TP53BP1: variants seen among roughly 807,000 people sequenced by gnomAD.
TP53BP1 encodes TP53-binding protein 1.
In TP53BP1, 61 loss-of-function variants were observed where a neutral mutation model predicts 200.8. The ratio of observed to expected loss-of-function variants is 0.30; its 90% CI spans 0.25 to 0.38. The LOEUF (loss-of-function observed/expected upper bound fraction) is 0.38, where lower values mean the gene tolerates loss of function less well. TP53BP1 is among the 10% of genes least tolerant of loss of function. The pLI, the probability that TP53BP1 is intolerant of heterozygous loss-of-function variation, is 1.00. For synonymous variants in TP53BP1, 822 were observed against 844.3 expected (o/e 0.97, Z 0.46); for missense variants, 2,144 against 2,371.9 (o/e 0.90, Z 2.00).
In TP53BP1 at chr15:43,404,626, G is replaced by T; in HGVS notation, c.*2757C>A. ...TAATGAGTTGTAGAATTCTAGAACT[G>T]GAAGAAGACTTTAGTCCAAATACCC... On this transcript the variant is annotated 3_prime_UTR_variant, in exon 28 of 28. Transcript: ENST00000382044. 6.6e-7 allele frequency: 1 copy of T among 1,507,582 alleles called. No individual in the cohort carries two copies. The allele number at this position is 1,507,582 out of a possible 1,614,324, so 93.4% of individuals were successfully genotyped here.
At chr15:43,461,634 G>A (rs530479375) in intron 11 of TP53BP1, among the ~76,000 whole-genome samples, 1 of 151,742 alleles carries the variant, frequency 6.6e-6, no homozygotes, top group East Asian at 1.9e-4. Context: ...ATAGAAAGAA[G>A]TTTCTATTTT....
At chr15:43,489,760 T>C (rs148405643) in intron 4 of TP53BP1, among the ~76,000 whole-genome samples, 1 of 152,222 alleles carries the variant, frequency 6.6e-6, no homozygotes, top group African/African-American at 2.4e-5. Flanking sequence ...TATATTAACA[T>C]TTTACCACCT....
upstream of TP53BP1, among the ~76,000 whole-genome samples, chr15:43,495,495 TCACACACACA>T (rs376410840): frequency 2.2e-4 from 30 of 133,454 alleles, no homozygotes; most frequent in South Asian, 4.9e-4. Flanking sequence ...TGAGACTCCG[TCACACACACA>T]CACACACACA....
At position 43,486,706 on chromosome 15, in the gene TP53BP1, C is replaced by G. The variant is rs528253855; in HGVS notation, c.371+4963G>C. Among the ~76,000 whole-genome samples the G allele has an allele frequency of 4.6e-5, 7 of 152,306 alleles. No homozygotes were observed. The East Asian group carries it at 1.2e-3, about 25-fold the overall frequency. On this transcript the variant is annotated intron_variant, in intron 4 of 27. Transcript: ENST00000382044. Reference sequence around the variant, plus strand: ...CGGTGCAATCACGGCTCGCTGCAACCTCTGCTTCCCAGGCTTAAGCGATCC... The same window carrying G: ...CGGTGCAATCACGGCTCGCTGCAACGTCTGCTTCCCAGGCTTAAGCGATCC...
At position 43,456,848 on chromosome 15, in the gene TP53BP1, T is replaced by C. The variant is rs768925563; in HGVS notation, c.1760A>G (p.Asn587Ser). 8 of 1,613,902 alleles carry C rather than the reference T, an allele frequency of 5.0e-6. No homozygotes were observed. The South Asian group carries it at 8.8e-5, about 18-fold the overall frequency. ...ATCATCTCCCTTTGTTTTGTCATCA[T>C]TCTGACTCAGTTGTACTTCACCATC... is the stretch of plus-strand genomic sequence containing the variant. The part of the protein sequence containing the change: ...AQDGEVQLSQ[N>S]DDKTKGDDTD... Residue 587 changes from asparagine to serine, a missense_variant, in exon 12 of 28, where the codon AAT becomes AGT. By Grantham distance (46) the Asn-to-Ser change is conservative. This residue lies in a region of TP53BP1 where 1,700 missense variants were observed against 1,710.3 expected (regional missense o/e 0.99). Coordinates refer to ENST00000382044, the MANE Select transcript of TP53BP1 (RefSeq NM_001141980.3).
chr15:43,464,589 C>T (rs1224851751), intron 11 of TP53BP1, among the ~76,000 whole-genome samples: 3 of 152,088 alleles, frequency 2.0e-5, no homozygotes, highest in Admixed American at 1.3e-4. Flanking sequence ...TATATCCACA[C>T]AATTGTATTA....
intron 11 of TP53BP1, among the ~76,000 whole-genome samples, chr15:43,469,042 A>G (rs1297536568): frequency 6.6e-6 from 1 of 152,196 alleles, no homozygotes; most frequent in African/African-American, 2.4e-5. Flanking sequence ...TAACACCTGC[A>G]AACTGAAAGG....
chr15:43,494,545 G>T (rs2079168553), upstream of TP53BP1, among the ~76,000 whole-genome samples: 1 of 152,138 alleles, frequency 6.6e-6, no homozygotes, highest in Non-Finnish European at 1.5e-5. Flanking sequence ...AAATGAAATG[G>T]ACCACACAGA....
At chr15:43,417,116 A>G (rs2045282977) in intron 21 of TP53BP1, 1 of 152,308 alleles carries the variant, frequency 6.6e-6, no homozygotes. Flanking sequence ...TAAGCCTGTG[A>G]AAAAGAACAC....
Position 43,477,633 on chromosome 15 carries a change from C to T in TP53BP1, c.915G>A (p.Leu305=), listed in dbSNP as rs1233099219. 3.7e-6 allele frequency: 6 copies of T among 1,613,516 alleles called. No homozygotes were observed. The South Asian group carries it at 6.6e-5, about 18-fold the overall frequency. The stretch of plus-strand genomic sequence containing the variant: ...GGTCAAACAAGTCTTCCTGAGTTGA[C>T]AAAACCTCAGGCTCTGGTGACTTCT... ...QIQKSPEPEV[L]STQEDLFDQS... Residue 305 remains leucine (L), a synonymous_variant, in exon 8 of 28, where the codon TTG becomes TTA. Coordinates refer to ENST00000382044, the MANE Select transcript of TP53BP1 (RefSeq NM_001141980.3).
At chr15:43,496,870 C>T (rs191526010), upstream of TP53BP1, among the ~76,000 whole-genome samples, 286 of 152,264 alleles carry the variant, frequency 1.9e-3, 3 homozygotes, top group African/African-American at 6.5e-3. Flanking sequence ...ATCCGCCCAC[C>T]TCAGCCTCCC....
intron 11 of TP53BP1, among the ~76,000 whole-genome samples, chr15:43,458,095 T>C (rs541345345): frequency 1.3e-5 from 2 of 151,790 alleles, no homozygotes; most frequent in East Asian, 1.9e-4. Context: ...AACAGAGAAA[T>C]ACAAATTAAA....
chr15:43,449,270 G>C lies in TP53BP1; in HGVS notation c.2717-1785C>G, dbSNP rs920448804. The stretch of plus-strand genomic sequence containing the variant: ...GTAGATAAGCATTCATTCTGTGGTA[G>C]CCCCTTATAAAGCAAGTTGTTCTAA... On this transcript the variant is annotated intron_variant, in intron 12 of 27. Coordinates refer to ENST00000382044, the MANE Select transcript of TP53BP1 (RefSeq NM_001141980.3). 4.6e-5 allele frequency among the ~76,000 whole-genome samples: 7 copies of C among 152,160 alleles called. 1 individual carries two copies. The highest frequency in any genetic ancestry group is 4.6e-4 in the Admixed American group (7 of 15,268).
chr15:43,420,957 A>C, intron 20 of TP53BP1, 68 bp downstream of exon 20: 1 of 1,534,312 alleles, frequency 6.5e-7, no homozygotes, highest in Admixed American at 1.9e-5. Flanking sequence ...CAAACTCTCT[A>C]CTCCCCTCTC....
Position 43,457,215 on chromosome 15 carries a change from T to C in TP53BP1, c.1393A>G (p.Ile465Val). The change falls in exon 12 of 28, where the codon ATT (isoleucine) becomes GTT (valine). Residue 465 changes from isoleucine (I) to valine (V), a missense_variant. Transcript: ENST00000382044. ...TCCAGACTTGGGGAAGGAATAAAAA[T>C]GTCCTAAGGAAGAACAGAAAGAGAC... is the stretch of plus-strand genomic sequence containing the variant. ...IPSQPQFSHDIFIPSPSLEEQ... is the reference protein window; with the variant it reads ...IPSQPQFSHDVFIPSPSLEEQ... The C allele has an allele frequency of 1.2e-6, 2 of 1,600,984 alleles. No homozygotes were observed. The highest frequency in any genetic ancestry group is 2.2e-5 in the East Asian group (1 of 44,786).
chr15:43,506,790 C>G (rs1004386499), intron 1 of TP53BP1, among the ~76,000 whole-genome samples: 3 of 152,212 alleles, frequency 2.0e-5, no homozygotes, highest in African/African-American at 7.2e-5. Flanking sequence ...CCCTAATAAT[C>G]CCCTTGAGGC....
chr15:43,432,738 TGTGTGC>T, intron 16 of TP53BP1, 61 bp from the exon 17 acceptor site: 4 of 1,520,520 alleles, frequency 2.6e-6, no homozygotes, highest in Non-Finnish European at 3.5e-6. Context: ...TGAACGTGTG[TGTGTGC>T]GTGTGCATGT....
intron 26 of TP53BP1, chr15:43,408,641 A>AACTT (rs1177004979): frequency 6.4e-6 from 3 of 470,476 alleles, no homozygotes; most frequent in Non-Finnish European, 1.2e-5. Context: ...GCTTGCTTAA[A>AACTT]ACTTAGTTCT....
intron 8 of TP53BP1, 63 bp downstream of exon 8, chr15:43,477,530 C>T: frequency 6.9e-7 from 1 of 1,445,076 alleles, no homozygotes; most frequent in Non-Finnish European, 9.2e-7. Context: ...CCAGTAGCCT[C>T]AGAACTAAAG....
Sources: allele counts gnomAD v4.1 joint callset (sites outside exome capture counted in the v4.1 genomes callset), GRCh38; gene constraint gnomAD v4.1.1; regional missense constraint gnomAD v4.1.1; transcripts MANE v1.5; gene names NCBI Gene and HGNC (gene_info 2026-07-23, HGNC 2026-07-21).